The following PBX1 variants were observed in gnomAD, a reference collection of about 807,000 sequenced individuals.
The protein encoded by PBX1 is pre-B-cell leukemia transcription factor 1.
A neutral mutation model predicts 53.4 loss-of-function variants in PBX1; 6 were observed. The ratio of observed to expected loss-of-function variants is 0.11; its 90% confidence interval spans 0.06 to 0.22. The LOEUF is 0.22. Among genes scored for constraint, PBX1 ranks in the 10% least tolerant of loss-of-function variants. PBX1 has a pLI of 1.00. For missense variants in PBX1, 251 were observed against 551.4 expected (o/e 0.46, Z 5.46); for synonymous variants, 204 against 212.3 (o/e 0.96, Z 0.34).
rs1671675775 is a variant in PBX1 at position 164,848,466 on chromosome 1, C to A, written c.*1790C>A. ...AATGCGAAGTCAGGGGAAGTAATGT[C>A]CCTGAAATAAACGGGTTCATGCCAT... On this transcript the variant is annotated 3_prime_UTR_variant, in exon 9 of 9. Transcript: ENST00000420696. The A allele has an allele frequency of 9.5e-7, 1 of 1,057,642 alleles. No homozygotes were observed. Among genetic ancestry groups the A allele is most frequent in the East Asian group, 5.2e-5 (1 of 19,112 alleles). 65.5% of individuals were successfully genotyped at this position (1,057,642 alleles called of 1,614,324 possible). A position where few individuals can be genotyped will look rare whatever the true frequency, so the allele number is the denominator to read the frequency against.
chr1:164,675,908 C>A (rs1661408072), intron 2 of PBX1, among the ~76,000 whole-genome samples: 1 of 152,154 alleles, frequency 6.6e-6, no homozygotes, highest in Non-Finnish European at 1.5e-5. Context: ...CCAGGTCTCT[C>A]TCTACTCTTG....
rs139927715 is a variant in PBX1, at chr1:164,663,876, G to A, written c.265+100565G>A. ...TTTAAGTTAATAACTCTTCCCAGAA[G>A]CCAAGTATTAAAGAAAGTGAAAGAT... On this transcript the variant is annotated intron_variant, in intron 2 of 8. Transcript: ENST00000420696. 3.3e-5 allele frequency among the ~76,000 whole-genome samples: 5 copies of A among 152,318 alleles called. No homozygotes were observed. In the East Asian group the frequency reaches 9.6e-4, roughly 29 times the overall value.
chr1:164,834,518 A>AT (rs367821034), intron 8 of PBX1, among the ~76,000 whole-genome samples: 2 of 151,426 alleles, frequency 1.3e-5, no homozygotes, highest in Non-Finnish European at 2.9e-5. Context: ...TAATTTTTGT[A>AT]TTTTTTAGTA....
intron 2 of PBX1, among the ~76,000 whole-genome samples, chr1:164,607,582 T>C (rs1468332988): frequency 1.3e-5 from 2 of 152,258 alleles, no homozygotes; most frequent in African/African-American, 2.4e-5. Flanking sequence ...GTTGGAAATA[T>C]ATGACTGAAG....
At chr1:164,754,822 A>G (rs1666425388) in intron 2 of PBX1, among the ~76,000 whole-genome samples, 1 of 152,186 alleles carries the variant, frequency 6.6e-6, no homozygotes, top group African/African-American at 2.4e-5. Context: ...CTTACCTAGA[A>G]GTTGACACTG....
At chr1:164,579,103 C>T (rs1314498882) in intron 2 of PBX1, among the ~76,000 whole-genome samples, 1 of 152,132 alleles carries the variant, frequency 6.6e-6, no homozygotes, top group African/African-American at 2.4e-5. Context: ...CTGCTTCTGC[C>T]TTGAAGGAGT....
chr1:164,826,324 A>G (rs990205946), intron 8 of PBX1, among the ~76,000 whole-genome samples: 1 of 152,248 alleles, frequency 6.6e-6, no homozygotes, highest in South Asian at 2.1e-4. Context: ...CTCGTTACAC[A>G]AACTTTTCCC....
chr1:164,570,497 T>A (rs1653769809), intron 2 of PBX1, among the ~76,000 whole-genome samples: 1 of 152,180 alleles, frequency 6.6e-6, no homozygotes, highest in Non-Finnish European at 1.5e-5. Context: ...CCGAGAGTGA[T>A]GGTTTCCAGC....
chr1:164,589,176 A>G (rs973071148), intron 2 of PBX1, among the ~76,000 whole-genome samples: 2 of 151,960 alleles, frequency 1.3e-5, no homozygotes, highest in Non-Finnish European at 2.9e-5. Flanking sequence ...GGAGAGGAGA[A>G]AAGTTCCCAT....
intron 2 of PBX1, among the ~76,000 whole-genome samples, chr1:164,870,258 C>T (rs1460076480): frequency 3.1e-5 from 2 of 65,184 alleles, no homozygotes; most frequent in South Asian, 5.3e-4. Context: ...TCCTTCCTTC[C>T]TTCCTTCCTT....
intron 2 of PBX1, among the ~76,000 whole-genome samples, chr1:164,740,064 C>T (rs1434232926): frequency 6.6e-6 from 1 of 152,046 alleles, no homozygotes; most frequent in Non-Finnish European, 1.5e-5. Flanking sequence ...GATTTTATGT[C>T]TGAAGAAGAA....
intron 2 of PBX1, among the ~76,000 whole-genome samples, chr1:164,584,012 G>T (rs1557873900): frequency 6.6e-6 from 1 of 152,116 alleles, no homozygotes; most frequent in Non-Finnish European, 1.5e-5. Context: ...CTTGAAGATG[G>T]TAAGGTCCTA....
chr1:164,679,612 G>A (rs999404656), intron 2 of PBX1, among the ~76,000 whole-genome samples: 2 of 152,156 alleles, frequency 1.3e-5, no homozygotes, highest in African/African-American at 4.8e-5. Flanking sequence ...CAAGGTCATT[G>A]GATCTGAAAC....
intron 2 of PBX1, among the ~76,000 whole-genome samples, chr1:164,605,898 C>G (rs1270019408): frequency 6.6e-6 from 1 of 152,088 alleles, no homozygotes; most frequent in Non-Finnish European, 1.5e-5. Flanking sequence ...GAGTTTATGT[C>G]TCATAAAGTT....
At chr1:164,879,001 G>T (rs1400449550) in intron 2 of PBX1, among the ~76,000 whole-genome samples, 1 of 152,170 alleles carries the variant, frequency 6.6e-6, no homozygotes, top group Admixed American at 6.6e-5. Context: ...GACCCAAAAG[G>T]TAAGCCCACC....
intron 2 of PBX1, among the ~76,000 whole-genome samples, chr1:164,598,122 A>G (rs76054777): frequency 0.061 from 9,313 of 152,212 alleles, 373 homozygotes; most frequent in Middle Eastern, 0.095. Flanking sequence ...TAACAAAGCA[A>G]TTCCCACAGT....
chr1:164,841,570 A>G (rs544859808), intron 8 of PBX1, among the ~76,000 whole-genome samples: 136 of 152,186 alleles, frequency 8.9e-4, no homozygotes, highest in Non-Finnish European at 1.6e-3. Flanking sequence ...ATTCCCCAGG[A>G]AATTTTGAAT....
chr1:164,882,575 G>A (rs901446610), intron 2 of PBX1, among the ~76,000 whole-genome samples: 7 of 152,050 alleles, frequency 4.6e-5, no homozygotes, highest in East Asian at 1.9e-4. Context: ...CTGAACTAAC[G>A]CATATTTTTT....
intron 4 of PBX1, 53 bp from the exon 5 acceptor site, chr1:164,807,489 T>C (rs1439785081): frequency 1.3e-6 from 2 of 1,574,842 alleles, no homozygotes; most frequent in South Asian, 1.2e-5. Flanking sequence ...TCTCCCATTT[T>C]ATATTTATTT....
Sources: allele counts gnomAD v4.1 joint callset (sites outside exome capture counted in the v4.1 genomes callset), GRCh38; gene constraint gnomAD v4.1.1; transcripts MANE v1.5; gene names NCBI Gene and HGNC (gene_info 2026-07-23, HGNC 2026-07-21).